PLCB1: variants seen among roughly 807,000 people sequenced by gnomAD.
PLCB1 encodes the protein phospholipase C beta 1.
In PLCB1, 46 loss-of-function variants were observed where a neutral mutation model predicts 161.8. The observed-to-expected ratio is 0.28, with a 90% CI of 0.22 to 0.36. The LOEUF (loss-of-function observed/expected upper bound fraction) is 0.36. Ranked by LOEUF, PLCB1 falls within the 10% of genes least tolerant of loss-of-function variation. PLCB1 has a pLI of 1.00. For synonymous variants in PLCB1, 517 were observed against 503.7 expected (o/e 1.03, Z -0.35); for missense variants, 1,016 against 1,472.5 (o/e 0.69, Z 5.07).
At chr20:8,455,062 G>A (rs1476426156) in intron 3 of PLCB1, among the ~76,000 whole-genome samples, 6 of 147,034 alleles carry the variant, frequency 4.1e-5, no homozygotes, top group Non-Finnish European at 7.4e-5. Flanking sequence ...GCCGGGCATG[G>A]TGGCTCACAT....
intron 2 of PLCB1, among the ~76,000 whole-genome samples, chr20:8,364,590 G>A (rs1158409648): frequency 1.3e-5 from 2 of 152,326 alleles, no homozygotes; most frequent in East Asian, 3.9e-4. Context: ...TAGGTCCAAA[G>A]TCTGAAATAC....
Position 8,627,715 on chromosome 20 carries a change from A to C in PLCB1, c.247-579A>C, listed in dbSNP as rs35750508. 3.9e-5 allele frequency among the ~76,000 whole-genome samples: 6 copies of C among 152,370 alleles called. No individual in the cohort carries two copies. The South Asian group carries it at 1.0e-3, about 26-fold the overall frequency. ...ATGCAACTTGCTCTAAAAAGACTGC[A>C]GAAGTTCCCTATGTCCAAATCCCAG... On this transcript the variant is annotated intron_variant, in intron 3 of 31. Transcript: ENST00000338037.
At chr20:8,553,288 A>C (rs572149233) in intron 3 of PLCB1, among the ~76,000 whole-genome samples, 3 of 152,310 alleles carry the variant, frequency 2.0e-5, no homozygotes, top group Admixed American at 6.5e-5. Context: ...ATATAGATAC[A>C]GTTTCTCACT....
At chr20:8,350,331 G>A (rs1470705365) in intron 2 of PLCB1, among the ~76,000 whole-genome samples, 5 of 152,200 alleles carry the variant, frequency 3.3e-5, no homozygotes, top group Admixed American at 3.3e-4. Flanking sequence ...TCATAAGACA[G>A]AACATGTGGT....
intron 12 of PLCB1, among the ~76,000 whole-genome samples, chr20:8,714,342 T>C (rs1979184582): frequency 6.6e-6 from 1 of 152,170 alleles, no homozygotes; most frequent in Non-Finnish European, 1.5e-5. Flanking sequence ...GCCATTTCTT[T>C]AGTGCACTCT....
chr20:8,751,102 A>AT (rs368948762), intron 23 of PLCB1: 53,200 of 186,554 alleles, frequency 0.29, 6,876 homozygotes, highest in East Asian at 0.46. Context: ...AGCCCGGCTA[A>AT]TTTTTTTTTT....
At chr20:8,647,793 T>A in intron 5 of PLCB1, 107 bp from the exon 6 acceptor site, 1 of 831,418 alleles carries the variant, frequency 1.2e-6, no homozygotes, top group Non-Finnish European at 2.0e-6. Flanking sequence ...TTGTGGAAAT[T>A]CAGCAAAATG....
intron 2 of PLCB1, among the ~76,000 whole-genome samples, chr20:8,220,970 A>T (rs908393028): frequency 6.6e-6 from 1 of 152,156 alleles, no homozygotes; most frequent in Non-Finnish European, 1.5e-5. Context: ...TGGGACACAG[A>T]TGAGATTATG....
At chr20:8,851,073 C>T (rs1047884888) in intron 31 of PLCB1, among the ~76,000 whole-genome samples, 1 of 152,218 alleles carries the variant, frequency 6.6e-6, no homozygotes, top group African/African-American at 2.4e-5. Flanking sequence ...AGGAGATATC[C>T]TTTAAAAATG....
At chr20:8,539,677 T>C (rs1291303030) in intron 3 of PLCB1, among the ~76,000 whole-genome samples, 2 of 82,724 alleles carry the variant, frequency 2.4e-5, no homozygotes, top group Non-Finnish European at 4.7e-5. Flanking sequence ...TCTTTCTTTC[T>C]TTCTTTCTTT....
chr20:8,159,425 C>T (rs1042045878), intron 2 of PLCB1, among the ~76,000 whole-genome samples: 4 of 152,140 alleles, frequency 2.6e-5, no homozygotes, highest in Non-Finnish European at 5.9e-5. Flanking sequence ...TCCTAGGCCT[C>T]TGGGCCTATG....
chr20:8,620,788 A>C (rs988369162), intron 3 of PLCB1, among the ~76,000 whole-genome samples: 1 of 151,684 alleles, frequency 6.6e-6, no homozygotes, highest in African/African-American at 2.4e-5. Context: ...AAGAAACAGA[A>C]TACAGGCTGT....
intron 2 of PLCB1, among the ~76,000 whole-genome samples, chr20:8,158,046 G>C (rs1389363179): frequency 3.9e-5 from 6 of 152,130 alleles, no homozygotes; most frequent in African/African-American, 1.4e-4. Context: ...AATTAAATTG[G>C]ATACTTTCCA....
intron 3 of PLCB1, among the ~76,000 whole-genome samples, chr20:8,543,468 A>G (rs555186055): frequency 6.6e-6 from 1 of 152,308 alleles, no homozygotes; most frequent in East Asian, 1.9e-4. Flanking sequence ...GATAGGCCAC[A>G]AAAGGGCACA....
At position 8,329,404 on chromosome 20, in the gene PLCB1, C is replaced by T. The variant is rs376088998; in HGVS notation, c.178-41978C>T. Among the ~76,000 whole-genome samples, 13 of 151,678 alleles carry T rather than the reference C, an allele frequency of 8.6e-5. No homozygotes were observed. In the East Asian group the frequency reaches 9.7e-4, roughly 11 times the overall value. On this transcript the variant is annotated intron_variant, in intron 2 of 31. Coordinates refer to ENST00000338037, the MANE Select transcript of PLCB1 (RefSeq NM_015192.4). ...CTAGCCTCCAGTGATCCACCTGCCT[C>T]GGCCTCCCAAAGTGTTGGGATGACA...
chr20:8,838,239 T>TC (rs1986367412), intron 31 of PLCB1, among the ~76,000 whole-genome samples: 1 of 152,190 alleles, frequency 6.6e-6, no homozygotes, highest in Non-Finnish European at 1.5e-5. Context: ...TTTATACTGT[T>TC]CATCTTTCTC....
In PLCB1 at chr20:8,132,488, C is replaced by G; in HGVS notation, c.-164C>G. On this transcript the variant is annotated 5_prime_UTR_variant, in exon 1 of 32. Transcript: ENST00000338037. The surrounding 1 kb of genome is among the most constrained non-coding windows in gnomAD (Gnocchi z 5.2). ...GCGCGCTCTGCCTGCTGAGCGGCGCCGGAGGGAGGTGCGGAGGCCGGGAGG... is the reference window on the plus strand; with the variant it reads ...GCGCGCTCTGCCTGCTGAGCGGCGCGGGAGGGAGGTGCGGAGGCCGGGAGG... 2.7e-6 allele frequency: 1 copy of G among 370,232 alleles called. No homozygotes were observed. The highest frequency in any genetic ancestry group is 4.8e-6 in the Non-Finnish European group (1 of 208,442). 22.9% of individuals were successfully genotyped at this position (370,232 alleles called of 1,614,324 possible).
chr20:8,631,327 A>T (rs1319349279), intron 4 of PLCB1, among the ~76,000 whole-genome samples: 2 of 152,192 alleles, frequency 1.3e-5, no homozygotes, highest in African/African-American at 4.8e-5. Context: ...TTTTCTTCTA[A>T]AAGGAGCTGC....
intron 9 of PLCB1, among the ~76,000 whole-genome samples, chr20:8,671,931 T>C (rs1311179884): frequency 6.6e-6 from 1 of 152,230 alleles, no homozygotes; most frequent in Non-Finnish European, 1.5e-5. Context: ...CTGAAAATGG[T>C]AATTTAAAAG....
Sources: allele counts gnomAD v4.1 joint callset (sites outside exome capture counted in the v4.1 genomes callset), GRCh38; gene constraint gnomAD v4.1.1; non-coding constraint Gnocchi (gnomAD v3.1); transcripts MANE v1.5; gene names NCBI Gene and HGNC (gene_info 2026-07-23, HGNC 2026-07-21).